Variants in DKK2 observed in about 807,000 individuals in gnomAD.
DKK2 encodes dickkopf-related protein 2.
DKK2 carries 11 observed loss-of-function variants against 28.1 expected under a neutral mutation model. That is an observed-to-expected ratio of 0.39 (90% CI 0.25 to 0.65). DKK2 has a LOEUF of 0.65. Ranked by LOEUF, DKK2 falls within the 30% of genes least tolerant of loss-of-function variation. The pLI, the probability that DKK2 is intolerant of heterozygous loss-of-function variation, is 0.47. For missense variants in DKK2, 326 were observed against 335.5 expected (o/e 0.97, Z 0.22); for synonymous variants, 135 against 126.5 (o/e 1.07, Z -0.45).
At chr4:106,967,329 A>G (rs1722797256) in intron 1 of DKK2, among the ~76,000 whole-genome samples, 1 of 152,182 alleles carries the variant, frequency 6.6e-6, no homozygotes, top group Non-Finnish European at 1.5e-5. Context: ...TAAAAGTCAG[A>G]AGTACCACAA....
intron 1 of DKK2, among the ~76,000 whole-genome samples, chr4:106,993,501 G>C (rs938498925): frequency 6.6e-6 from 1 of 151,862 alleles, no homozygotes; most frequent in Admixed American, 6.6e-5. Context: ...TAGTAAATAC[G>C]TTGGCTACTT....
intron 1 of DKK2, among the ~76,000 whole-genome samples, chr4:106,986,536 A>G (rs2110360213): frequency 6.6e-6 from 1 of 152,340 alleles, no homozygotes; most frequent in South Asian, 2.1e-4. Flanking sequence ...TTAAAAAGCT[A>G]CAAATTTTAA....
intron 1 of DKK2, among the ~76,000 whole-genome samples, chr4:107,024,021 A>G (rs1723734202): frequency 6.6e-6 from 1 of 152,106 alleles, no homozygotes; most frequent in African/African-American, 2.4e-5. Flanking sequence ...TTCTTCTTTA[A>G]AAAGTTTTTG....
At chr4:106,959,220 G>T (rs1392183692) in intron 1 of DKK2, among the ~76,000 whole-genome samples, 4 of 152,008 alleles carry the variant, frequency 2.6e-5, no homozygotes, top group African/African-American at 9.7e-5. Flanking sequence ...ATATAAAAGG[G>T]TTTTTTCTGG....
chr4:106,950,150 G>T (rs1724837662), intron 1 of DKK2, among the ~76,000 whole-genome samples: 1 of 152,094 alleles, frequency 6.6e-6, no homozygotes, highest in South Asian at 2.1e-4. Context: ...TTTCTTTAGA[G>T]GTCTTCAAGA....
chr4:106,925,788 A>G lies in DKK2; in HGVS notation c.373+11T>C, dbSNP rs372559599. On this transcript the variant is annotated intron_variant, in intron 2 of 3. Transcript: ENST00000285311. ...GAAAGAGGCCCATTAACACTTAGTG[A>G]GATCTTTTACCATTATTGCAGCGGG... The G allele has an allele frequency of 1.2e-5, 20 of 1,602,308 alleles. No individual in the cohort carries two copies. The highest frequency in any genetic ancestry group is 1.5e-5 in the Non-Finnish European group (18 of 1,175,292).
At chr4:106,948,712 G>A (rs144447144) in intron 1 of DKK2, among the ~76,000 whole-genome samples, 163 of 152,294 alleles carry the variant, frequency 1.1e-3, no homozygotes, top group African/African-American at 3.8e-3. Context: ...ATCTCCTATC[G>A]TGGGTCTGGC....
chr4:106,932,119 G>A (rs7667341), intron 1 of DKK2, among the ~76,000 whole-genome samples: 9,411 of 152,118 alleles, frequency 0.062, 320 homozygotes, highest in Non-Finnish European at 0.074. Context: ...AGAACAACTC[G>A]TGATCTGCAC....
At chr4:106,951,820 T>C (rs76250481) in intron 1 of DKK2, among the ~76,000 whole-genome samples, 3,806 of 152,282 alleles carry the variant, frequency 0.025, 62 homozygotes, top group Non-Finnish European at 0.037. Context: ...TTTAAATATT[T>C]AGTGTTTTAA....
At chr4:107,031,381 A>C (rs1195927246) in intron 1 of DKK2, among the ~76,000 whole-genome samples, 1 of 152,016 alleles carries the variant, frequency 6.6e-6, no homozygotes, top group Admixed American at 6.5e-5. Context: ...GAGCACTTTC[A>C]TGAATGTTTG....
At chr4:106,983,648 C>G (rs1723068023) in intron 1 of DKK2, among the ~76,000 whole-genome samples, 1 of 152,104 alleles carries the variant, frequency 6.6e-6, no homozygotes, top group Non-Finnish European at 1.5e-5. Flanking sequence ...ATGTGAAAGA[C>G]TGCATTAAAA....
chr4:106,965,314 T>C (rs984986486), intron 1 of DKK2, among the ~76,000 whole-genome samples: 1 of 152,136 alleles, frequency 6.6e-6, no homozygotes, highest in Non-Finnish European at 1.5e-5. Flanking sequence ...ATATTAGCCA[T>C]CGTGTTTCAA....
chr4:107,006,067 G>A (rs1224709981), intron 1 of DKK2, among the ~76,000 whole-genome samples: 1 of 152,100 alleles, frequency 6.6e-6, no homozygotes, highest in East Asian at 1.9e-4. Flanking sequence ...TTACTTCAGA[G>A]AACAATTCCA....
chr4:106,945,001 C>A (rs1463515766), intron 1 of DKK2, among the ~76,000 whole-genome samples: 1 of 152,050 alleles, frequency 6.6e-6, no homozygotes, highest in Non-Finnish European at 1.5e-5. Flanking sequence ...TATTATAAAA[C>A]CTAGCACTAG....
At chr4:107,015,745 T>G (rs1421173393) in intron 1 of DKK2, among the ~76,000 whole-genome samples, 2 of 151,734 alleles carry the variant, frequency 1.3e-5, no homozygotes, top group Non-Finnish European at 3.0e-5. Context: ...TTTTGTTGGT[T>G]AATTTGTGAA....
chr4:107,016,949 T>C (rs1578379773), intron 1 of DKK2, among the ~76,000 whole-genome samples: 1 of 152,012 alleles, frequency 6.6e-6, no homozygotes, highest in East Asian at 1.9e-4. Context: ...CCTACAGATA[T>C]AAATATGAGA....
At chr4:106,965,641 T>A (rs988477342) in intron 1 of DKK2, among the ~76,000 whole-genome samples, 1 of 151,476 alleles carries the variant, frequency 6.6e-6, no homozygotes. Flanking sequence ...CATGTGCACA[T>A]TGTGCAGGTT....
rs145700506 is a variant in DKK2, at chr4:106,947,015, A to G, written c.223-21066T>C. Among the ~76,000 whole-genome samples the G allele has an allele frequency of 2.0e-3, 309 of 152,044 alleles. 1 individual carries two copies. The highest frequency in any genetic ancestry group is 6.8e-3 in the African/African-American group (283 of 41,474). Reference sequence around the variant, plus strand: ...AAAACATCCTCACTGCCCTCAAGAAACCCATATTATAGAAGGCAGAACCAA... The same window carrying G: ...AAAACATCCTCACTGCCCTCAAGAAGCCCATATTATAGAAGGCAGAACCAA... On this transcript the variant is annotated intron_variant, in intron 1 of 3. Transcript: ENST00000285311.
intron 1 of DKK2, among the ~76,000 whole-genome samples, chr4:106,983,519 CTT>C (rs1213416353): frequency 1.3e-5 from 2 of 152,072 alleles, no homozygotes; most frequent in South Asian, 2.1e-4. Context: ...TATGAAAAGA[CTT>C]TGGAAATTAA....
Sources: allele counts gnomAD v4.1 joint callset (sites outside exome capture counted in the v4.1 genomes callset), GRCh38; gene constraint gnomAD v4.1.1; transcripts MANE v1.5; gene names NCBI Gene and HGNC (gene_info 2026-07-23, HGNC 2026-07-21).